The following ZBTB2 variants were observed in gnomAD, a reference collection of about 807,000 sequenced individuals.
The protein encoded by ZBTB2 is zinc finger and BTB domain containing 2, also known as zinc finger and BTB domain-containing protein 2.
In ZBTB2, 2 loss-of-function variants were observed where a neutral mutation model predicts 39.5. That is an observed-to-expected ratio of 0.05 (90% CI 0.02 to 0.16). The LOEUF (loss-of-function observed/expected upper bound fraction) is 0.16, where lower values mean the gene tolerates loss of function less well. ZBTB2 is among the 10% of genes least tolerant of loss of function. The pLI is 1.00. For synonymous variants in ZBTB2, 251 were observed against 256.6 expected, an observed-to-expected ratio of 0.98 and a Z score of 0.21; for missense variants, 391 against 653.0, an observed-to-expected ratio of 0.60 and a Z score of 4.37.
At chr6:151,373,402 G>A (rs1778828988) in intron 2 of ZBTB2, 63 bp downstream of exon 2, 2 of 1,581,038 alleles carry the variant, frequency 1.3e-6, no homozygotes, top group African/African-American at 2.7e-5. Flanking sequence ...TCTTGATGAG[G>A]GCCAGGGACA....
chr6:151,368,240 G>A (rs1005399742), intron 2 of ZBTB2, among the ~76,000 whole-genome samples: 1 of 151,534 alleles, frequency 6.6e-6, no homozygotes, highest in South Asian at 2.1e-4. Flanking sequence ...TCCGCCTCCC[G>A]GGTTCACACC....
intron 1 of ZBTB2, among the ~76,000 whole-genome samples, chr6:151,389,541 A>G (rs1275566422): frequency 6.6e-6 from 1 of 152,248 alleles, no homozygotes; most frequent in Non-Finnish European, 1.5e-5. Flanking sequence ...AGGACAGGGC[A>G]GCGCGTTTAA....
At chr6:151,379,535 T>C (rs2114870722) in intron 1 of ZBTB2, among the ~76,000 whole-genome samples, 1 of 148,544 alleles carries the variant, frequency 6.7e-6, no homozygotes, top group East Asian at 2.0e-4. Flanking sequence ...CCAGCTACTC[T>C]GGAAGCTGAA....
chr6:151,367,144 G>A (rs867009603), intron 2 of ZBTB2, among the ~76,000 whole-genome samples: 13 of 149,408 alleles, frequency 8.7e-5, no homozygotes, highest in African/African-American at 9.9e-5. Context: ...TTTTTGAGGC[G>A]GAGTCTCACT....
At chr6:151,383,759 A>ACAGG (rs1779092321) in intron 1 of ZBTB2, among the ~76,000 whole-genome samples, 1 of 151,996 alleles carries the variant, frequency 6.6e-6, no homozygotes, top group South Asian at 2.1e-4. Context: ...AGACAGACAG[A>ACAGG]CAGGCAGACA....
intron 1 of ZBTB2, among the ~76,000 whole-genome samples, chr6:151,385,399 T>C (rs553391330): frequency 1.2e-4 from 18 of 152,328 alleles, no homozygotes; most frequent in African/African-American, 3.8e-4. Flanking sequence ...ACAGAGCACA[T>C]GTGGGCTGAT....
chr6:151,377,867 T>C (rs889829793), intron 1 of ZBTB2: 5 of 152,188 alleles, frequency 3.3e-5, no homozygotes, highest in Middle Eastern at 3.4e-3. Flanking sequence ...TACACATTAA[T>C]TGACTAAATT....
intron 1 of ZBTB2, among the ~76,000 whole-genome samples, chr6:151,387,524 C>T (rs1009335786): frequency 1.3e-5 from 2 of 152,140 alleles, no homozygotes; most frequent in Non-Finnish European, 2.9e-5. Context: ...ACTCAGAGAA[C>T]CTAAATGACT....
intron 1 of ZBTB2, among the ~76,000 whole-genome samples, chr6:151,390,612 C>T (rs1014901958): frequency 2.0e-5 from 3 of 150,916 alleles, no homozygotes; most frequent in Non-Finnish European, 4.4e-5. Flanking sequence ...AGCGCGAGAC[C>T]CGAGGAGGCC....
intron 1 of ZBTB2, among the ~76,000 whole-genome samples, chr6:151,391,098 G>C (rs1779295691): frequency 6.7e-6 from 1 of 149,860 alleles, no homozygotes; most frequent in Admixed American, 6.6e-5. Flanking sequence ...GGATGGAGGC[G>C]CCGCCGACTC....
At chr6:151,379,995 A>G (rs1167248970) in intron 1 of ZBTB2, among the ~76,000 whole-genome samples, 1 of 152,238 alleles carries the variant, frequency 6.6e-6, no homozygotes, top group African/African-American at 2.4e-5. Context: ...TCTACCAGTT[A>G]TTTTAGAATC....
intron 2 of ZBTB2, among the ~76,000 whole-genome samples, chr6:151,370,373 A>G (rs747130397): frequency 4.6e-5 from 7 of 152,212 alleles, no homozygotes; most frequent in Admixed American, 1.3e-4. Flanking sequence ...TCATGTAGGA[A>G]AAAGATGAAT....
intron 1 of ZBTB2, among the ~76,000 whole-genome samples, chr6:151,382,164 T>C (rs1404438643): frequency 1.3e-5 from 2 of 152,250 alleles, no homozygotes; most frequent in Non-Finnish European, 2.9e-5. Context: ...AAAAATATGG[T>C]ATTATAATCT....
intron 1 of ZBTB2, among the ~76,000 whole-genome samples, chr6:151,378,935 A>G (rs1014673964): frequency 1.3e-5 from 2 of 152,248 alleles, no homozygotes; most frequent in Non-Finnish European, 2.9e-5. Flanking sequence ...AAACGAGGAA[A>G]TAGGGTTAGA....
chr6:151,380,560 C>A (rs905372258), intron 1 of ZBTB2, among the ~76,000 whole-genome samples: 3 of 152,228 alleles, frequency 2.0e-5, no homozygotes, highest in Non-Finnish European at 4.4e-5. Context: ...CACCTCCAGG[C>A]CAGCTCCCGC....
At chr6:151,388,397 G>C (rs1395008469) in intron 1 of ZBTB2, among the ~76,000 whole-genome samples, 1 of 152,206 alleles carries the variant, frequency 6.6e-6, no homozygotes, top group African/African-American at 2.4e-5. Context: ...CGATGCTACA[G>C]ATGAGCTTTA....
intron 2 of ZBTB2, among the ~76,000 whole-genome samples, chr6:151,368,257 C>T (rs1477509971): frequency 6.6e-6 from 1 of 152,028 alleles, no homozygotes; most frequent in Admixed American, 6.6e-5. Flanking sequence ...CACCATTCTC[C>T]TGCCTCAGCC....
chr6:151,366,352 G>A lies in ZBTB2; in HGVS notation c.714C>T (p.His238=), dbSNP rs763348017. Residue 238 remains histidine, a synonymous_variant, in exon 3 of 3, where the codon CAC becomes CAT. Coordinates refer to ENST00000325144, the MANE Select transcript of ZBTB2 (RefSeq NM_020861.3). The surrounding 1 kb of genome is among the most constrained non-coding windows in gnomAD (Gnocchi z 7.1). ...TCCTCTTCATGATGCTTGGCTTGAC[G>A]TGGGCTATTGTGAGGGACGCAGGCT... ...DEQPASLTIA[H]VKPSIMKRNG... The A allele has an allele frequency of 2.1e-5, 34 of 1,614,118 alleles. No homozygotes were observed. The highest frequency in any genetic ancestry group is 1.3e-4 in the South Asian group (12 of 91,086).
intron 2 of ZBTB2, among the ~76,000 whole-genome samples, chr6:151,371,624 G>A (rs1442227080): frequency 6.6e-6 from 1 of 152,092 alleles, no homozygotes; most frequent in East Asian, 1.9e-4. Context: ...AAGGAGGTTG[G>A]GCTCCAAGCC....
Sources: gnomAD v4.1 joint callset for allele counts (sites outside exome capture counted in the v4.1 genomes callset) on GRCh38, gnomAD v4.1.1 for gene constraint, Gnocchi (gnomAD v3.1) non-coding constraint, MANE v1.5 for transcripts, NCBI Gene and HGNC (gene_info 2026-07-23, HGNC 2026-07-21) for gene names.